Variants in PCYOX1L observed in about 807,000 individuals in gnomAD.
PCYOX1L encodes prenylcysteine oxidase 1 like, also known as prenylcysteine oxidase 1-like.
In PCYOX1L, 40 loss-of-function variants were observed where a neutral mutation model predicts 44.1. That is an observed-to-expected ratio of 0.91 (90% CI 0.70 to 1.18). The LOEUF is 1.18. Ranked by LOEUF, PCYOX1L falls within the 50% of genes most tolerant of loss-of-function variation. PCYOX1L has a pLI of 0.00. For synonymous variants in PCYOX1L, 266 were observed against 282.8 expected, an observed-to-expected ratio of 0.94 and a Z score of 0.60; for missense variants, 605 against 653.3, an observed-to-expected ratio of 0.93 and a Z score of 0.81.
intron 2 of PCYOX1L, chr5:149,363,800 A>C (rs961862576): frequency 2.0e-6 from 1 of 509,088 alleles, no homozygotes; most frequent in African/African-American, 1.9e-5. Context: ...AATTTCCCTC[A>C]CTTGTGGATC....
rs747890082 is a variant in PCYOX1L at position 149,362,745 on chromosome 5, G to A, written c.197G>A (p.Arg66His). The A allele has an allele frequency of 1.9e-6, 3 of 1,614,008 alleles. No homozygotes were observed. The highest frequency in any genetic ancestry group is 1.3e-5 in the African/African-American group (1 of 74,932). Residue 66 changes from arginine (R) to histidine (H), a missense_variant, in exon 2 of 6, where the codon CGC (arginine) becomes CAC (histidine). Coordinates refer to ENST00000274569, the MANE Select transcript of PCYOX1L (RefSeq NM_024028.4). ...DVYEKGTVGG[R>H]LATISVNKQH... is the part of the protein sequence containing the mutation. Reference sequence around the variant, plus strand: ...TACGAGAAGGGAACCGTGGGTGGCCGCTTGGCCACCATCTCAGTCAACAAG... The same window carrying A: ...TACGAGAAGGGAACCGTGGGTGGCCACTTGGCCACCATCTCAGTCAACAAG...
At chr5:149,366,298 T>G in intron 4 of PCYOX1L, 145 bp downstream of exon 4, 1 of 822,642 alleles carries the variant, frequency 1.2e-6, no homozygotes, top group Non-Finnish European at 1.9e-6. Flanking sequence ...TGCCTGATTC[T>G]GGGACTGGCC....
At chr5:149,366,807 C>T (rs545238799) in intron 4 of PCYOX1L, among the ~76,000 whole-genome samples, 1 of 152,350 alleles carries the variant, frequency 6.6e-6, no homozygotes, top group South Asian at 2.1e-4. Flanking sequence ...GGCCCTGCCT[C>T]AGTGTCCCCT....
At chr5:149,364,248 G>T in intron 3 of PCYOX1L, 38 bp downstream of exon 3, 1 of 1,609,368 alleles carries the variant, frequency 6.2e-7, no homozygotes, top group Non-Finnish European at 8.5e-7. Context: ...CGTTCCAGGG[G>T]AACCGAGAAG....
chr5:149,366,828 T>A (rs2127614328), intron 4 of PCYOX1L, among the ~76,000 whole-genome samples: 1 of 152,336 alleles, frequency 6.6e-6, no homozygotes, highest in Admixed American at 6.5e-5. Context: ...CAGTGTTCCT[T>A]GCTCACTCTT....
Position 149,358,079 on chromosome 5 carries a change from C to T in PCYOX1L, c.11C>T (p.Ala4Val), listed in dbSNP as rs945320462. 129 of 1,411,574 alleles carry T rather than the reference C, an allele frequency of 9.1e-5. No homozygotes were observed. The highest frequency in any genetic ancestry group is 1.1e-4 in the Non-Finnish European group (124 of 1,084,376). 87.4% of individuals were successfully genotyped at this position (1,411,574 alleles called of 1,614,324 possible). ...CGCTCGCCGCCCGCCATGGCCCGCG[C>T]AGCCCCGCTGCTCGCCGCGTTGACC... MAR[A>V]APLLAALTAL... Residue 4 changes from alanine (A) to valine (V), a missense_variant, in exon 1 of 6, where the codon GCA becomes GTA. Coordinates refer to ENST00000274569, the MANE Select transcript of PCYOX1L (RefSeq NM_024028.4).
chr5:149,368,704 A>G lies in PCYOX1L; in HGVS notation c.*50A>G, dbSNP rs1758323937. ...TTTCATCCCCCACTGAAGATGGATC[A>G]TCCCACAGCAGCCCAGGACTGAATA... is the stretch of plus-strand genomic sequence containing the variant. On this transcript the variant is annotated 3_prime_UTR_variant, in exon 6 of 6. Transcript: ENST00000274569. The G allele has an allele frequency of 6.8e-7, 1 of 1,479,234 alleles. No individual in the cohort carries two copies. Among genetic ancestry groups the G allele is most frequent in the Admixed American group, 2.3e-5 (1 of 43,170 alleles). The allele number at this position is 1,479,234 out of a possible 1,614,324, so 91.6% of individuals were successfully genotyped here.
Position 149,362,775 on chromosome 5 carries a change from A to G in PCYOX1L, c.227A>G (p.His76Arg), listed in dbSNP as rs575316170. The change falls in exon 2 of 6, where the codon CAC (histidine) becomes CGC (arginine). Residue 76 changes from histidine to arginine, a missense_variant. By Grantham distance (29) the His-to-Arg change is conservative. Coordinates refer to ENST00000274569, the MANE Select transcript of PCYOX1L (RefSeq NM_024028.4). ...GCCACCATCTCAGTCAACAAGCAGCACTATGAGAGCGGGGCTGCCTCCTTC... is the reference window on the plus strand; with the variant it reads ...GCCACCATCTCAGTCAACAAGCAGCGCTATGAGAGCGGGGCTGCCTCCTTC... Reference protein sequence around the residue: ...RLATISVNKQHYESGAASFHS... With the variant: ...RLATISVNKQRYESGAASFHS... 6.2e-7 allele frequency: 1 copy of G among 1,614,208 alleles called. No individual in the cohort carries two copies. The highest frequency in any genetic ancestry group is 8.5e-7 in the Non-Finnish European group (1 of 1,180,048).
In PCYOX1L at chr5:149,367,282, C is replaced by T. The variant is rs1031464794; in HGVS notation, c.683-78C>T. The T allele has an allele frequency of 1.3e-5, 20 of 1,485,852 alleles. No individual in the cohort carries two copies. In the Admixed American group the frequency reaches 4.4e-4, roughly 33 times the overall value. The allele number at this position is 1,485,852 out of a possible 1,614,324, so 92.0% of individuals were successfully genotyped here. The stretch of plus-strand genomic sequence containing the variant: ...TTTTGCTCTGGCAGGGAGGCCCAGT[C>T]GAATAGTACTGGACTCCCCAGCCCT... On this transcript the variant is annotated intron_variant, in intron 4 of 5. Coordinates refer to ENST00000274569, the MANE Select transcript of PCYOX1L (RefSeq NM_024028.4).
intron 2 of PCYOX1L, chr5:149,363,532 A>T: frequency 4.6e-6 from 1 of 218,044 alleles, no homozygotes. Context: ...GGAAGTCTTT[A>T]TGCCCAGATA....
rs747203214 is a variant in PCYOX1L at position 149,362,851 on chromosome 5, G to T, written c.295+8G>T. 7 of 1,613,368 alleles carry T rather than the reference G, an allele frequency of 4.3e-6. No homozygotes were observed. The highest frequency in any genetic ancestry group is 5.1e-6 in the Non-Finnish European group (6 of 1,180,006). On this transcript the variant is annotated splice_region_variant and intron_variant, in intron 2 of 5. Transcript: ENST00000274569. The stretch of plus-strand genomic sequence containing the variant: ...ACTTCGTCAAGCTGCTGGGTGAGTG[G>T]TCAGTCCTGGGGCTCCAGTGCCCAG...
At position 149,364,105 on chromosome 5, in the gene PCYOX1L, AGACT is replaced by A. The variant is rs1221791434; in HGVS notation, c.371_374del (p.Asp124GlyfsTer4). 6 of 1,613,934 alleles carry A rather than the reference AGACT, an allele frequency of 3.7e-6. No individual in the cohort carries two copies. Among genetic ancestry groups the A allele is most frequent in the East Asian group, 4.5e-5 (2 of 44,876 alleles). Reference sequence around the variant, plus strand: ...GGCGGGGAGCACTTCATGCTGGAGGAGACTGACTGGTACCTGCTGAACCTCTTCC... The same window carrying A: ...GGCGGGGAGCACTTCATGCTGGAGGAGACTGGTACCTGCTGAACCTCTTCC... On this transcript the variant is annotated frameshift_variant, in exon 3 of 6. Transcript: ENST00000274569. LOFTEE classifies it high-confidence loss of function.
At chr5:149,359,476 G>A (rs1757948830) in intron 1 of PCYOX1L, among the ~76,000 whole-genome samples, 1 of 152,224 alleles carries the variant, frequency 6.6e-6, no homozygotes, top group African/African-American at 2.4e-5. Flanking sequence ...GAAGAGTTAG[G>A]CAGGCAGTAT....
At chr5:149,362,380 T>C (rs2127613084) in intron 1 of PCYOX1L, 1 of 511,892 alleles carries the variant, frequency 2.0e-6, no homozygotes, top group South Asian at 2.3e-5. Context: ...TTCAGTATTC[T>C]TTGCTGGTCT....
intron 2 of PCYOX1L, chr5:149,363,105 G>A (rs1437634698): frequency 1.5e-5 from 9 of 614,654 alleles, no homozygotes; most frequent in South Asian, 6.1e-5. Context: ...CTAAATAATC[G>A]TGATTATATC....
chr5:149,367,601 G>A, intron 5 of PCYOX1L, 101 bp downstream of exon 5: 1 of 1,491,766 alleles, frequency 6.7e-7, no homozygotes, highest in East Asian at 2.4e-5. Context: ...GATCCCCCTG[G>A]GGAGTATTTC....
rs370292272 is a variant in PCYOX1L at position 149,368,632 on chromosome 5, A to G, written c.1463A>G (p.His488Arg). 1 of 1,523,534 alleles carries G rather than the reference A, an allele frequency of 6.6e-7. No individual in the cohort carries two copies. Among genetic ancestry groups the G allele is most frequent in the Non-Finnish European group, 8.8e-7 (1 of 1,142,736 alleles). The allele number at this position is 1,523,534 out of a possible 1,614,324, so 94.4% of individuals were successfully genotyped here. Residue 488 changes from histidine (H) to arginine (R), a missense_variant, in exon 6 of 6, where the codon CAC becomes CGC. His to Arg is a conservative substitution (Grantham distance 29). Coordinates refer to ENST00000274569, the MANE Select transcript of PCYOX1L (RefSeq NM_024028.4). Reference protein sequence around the residue: ...LDKIDQKDLMHKVKTEL With the variant: ...LDKIDQKDLMRKVKTEL ...AAGATTGATCAAAAAGATTTGATGC[A>G]CAAGGTCAAGACTGAACTGTGAGGG... is the stretch of plus-strand genomic sequence containing the variant.
intron 2 of PCYOX1L, chr5:149,363,089 C>G: frequency 1.5e-6 from 1 of 650,184 alleles, no homozygotes; most frequent in East Asian, 3.1e-5. Flanking sequence ...TTTCAATTTG[C>G]TGCCTCTAAA....
chr5:149,362,600 G>A, intron 1 of PCYOX1L, 37 bp from the exon 2 acceptor site: 1 of 1,609,916 alleles, frequency 6.2e-7, no homozygotes, highest in Non-Finnish European at 8.5e-7. Context: ...CTCATGTTCT[G>A]TCTCTCTTCT....
Sources: gnomAD v4.1 joint callset for allele counts (sites outside exome capture counted in the v4.1 genomes callset) on GRCh38, gnomAD v4.1.1 for gene constraint, MANE v1.5 for transcripts, NCBI Gene and HGNC (gene_info 2026-07-23, HGNC 2026-07-21) for gene names.